Variants in RBM41 observed in about 807,000 individuals in gnomAD.
RBM41 encodes RNA-binding protein 41.
In RBM41, 14 loss-of-function variants were observed where a neutral mutation model predicts 30.8. The ratio of observed to expected loss-of-function variants is 0.45; its 90% CI spans 0.30 to 0.71. The LOEUF (loss-of-function observed/expected upper bound fraction) is 0.71. RBM41 is among the 30% of genes least tolerant of loss of function. RBM41 has a pLI of 0.08. For synonymous variants in RBM41, 120 were observed against 110.1 expected, an observed-to-expected ratio of 1.09 and a Z score of -0.56; for missense variants, 276 against 326.3, an observed-to-expected ratio of 0.85 and a Z score of 1.19.
At chrX:107,076,880 TATAA>T (rs201873847) in intron 6 of RBM41, among the ~76,000 whole-genome samples, 2,089 of 111,352 alleles carry the variant, frequency 0.019, 61 homozygotes, top group African/African-American at 0.064. Flanking sequence ...TGCTAAAAGG[TATAA>T]ATAAATAAAT....
chrX:107,063,109 T>C lies in RBM41; in HGVS notation c.*4418A>G. ...TGTACAATTCCTGGTTTTTAGTATA[T>C]TCAGAGTTGTGAAATCACCACCACG... On this transcript the variant is annotated 3_prime_UTR_variant, in exon 8 of 8. Transcript: ENST00000685964. Among the ~76,000 whole-genome samples, 1 of 111,534 alleles carries C rather than the reference T, an allele frequency of 9.0e-6. No individual in the cohort carries two copies. Among genetic ancestry groups the C allele is most frequent in the Middle Eastern group, 4.7e-3 (1 of 214 alleles).
intron 6 of RBM41, among the ~76,000 whole-genome samples, chrX:107,087,005 T>C (rs564025180): frequency 8.9e-6 from 1 of 111,840 alleles, no homozygotes; most frequent in Admixed American, 9.5e-5. Context: ...TTTGTGAATA[T>C]ATGGCTATGT....
intron 6 of RBM41, 50 bp from the exon 7 acceptor site, chrX:107,069,452 A>C: frequency 8.9e-7 from 1 of 1,126,419 alleles, no homozygotes; most frequent in Non-Finnish European, 1.2e-6. Context: ...GAGGTAAGGC[A>C]CTCTTTGTTT....
At chrX:107,077,681 A>C (rs1476572855) in intron 6 of RBM41, among the ~76,000 whole-genome samples, 2 of 111,020 alleles carry the variant, frequency 1.8e-5, no homozygotes, top group East Asian at 5.7e-4. Flanking sequence ...AAGTCATAAT[A>C]CAGCATAAAG....
intron 6 of RBM41, chrX:107,070,308 A>C (rs942151033): frequency 9.1e-6 from 3 of 330,230 alleles, no homozygotes; most frequent in Non-Finnish European, 1.2e-5. Context: ...CAAGGAAACT[A>C]AGAGAATACT....
At chrX:107,118,661 C>G in intron 1 of RBM41, 105 bp downstream of exon 1, 1 of 1,056,740 alleles carries the variant, frequency 9.5e-7, no homozygotes, top group South Asian at 1.9e-5. Context: ...GAAACCGCAT[C>G]CTGAGAACGT....
At chrX:107,068,478 G>A (rs998094202) in intron 7 of RBM41, among the ~76,000 whole-genome samples, 4 of 111,259 alleles carry the variant, frequency 3.6e-5, no homozygotes, top group Non-Finnish European at 5.7e-5. Context: ...ACCCATAAAC[G>A]GTTTTTTAAA....
chrX:107,069,866 TAAA>T (rs72211602), intron 6 of RBM41: 952 of 82,166 alleles, frequency 0.012, 9 homozygotes, highest in African/African-American at 0.035. Context: ...TATAGGCACT[TAAA>T]AAAAAAAAAA....
rs779599620 is a variant in RBM41 at position 107,116,747 on chromosome X, T to C, written c.28A>G (p.Ser10Gly). 2 of 1,210,571 alleles carry C rather than the reference T, an allele frequency of 1.7e-6. No individual in the cohort carries two copies. The highest frequency in any genetic ancestry group is 2.2e-6 in the Non-Finnish European group (2 of 895,123). The stretch of plus-strand genomic sequence containing the variant: ...AGCTCCTCCAGGACATGCTCATCAC[T>C]CTTCACACAGCTGTTTACCCTGGAG... The part of the protein sequence containing the change: MKRVNSCVK[S>G]DEHVLEELET... Residue 10 changes from serine to glycine, a missense_variant, in exon 2 of 8, where the codon AGT becomes GGT. Coordinates refer to ENST00000685964, the MANE Select transcript of RBM41 (RefSeq NM_001324242.2).
At chrX:107,102,956 A>C (rs1262515768) in intron 5 of RBM41, among the ~76,000 whole-genome samples, 1 of 111,463 alleles carries the variant, frequency 9.0e-6, no homozygotes, top group Non-Finnish European at 1.9e-5. Flanking sequence ...TAGCTCCACC[A>C]GTCTCTGGAT....
intron 5 of RBM41, among the ~76,000 whole-genome samples, chrX:107,099,575 CCAGT>C (rs1247267563): frequency 1.8e-5 from 2 of 111,082 alleles, no homozygotes; most frequent in African/African-American, 3.3e-5. Context: ...GTCCAAATGG[CCAGT>C]CAATGTGTAA....
chrX:107,096,684 G>C (rs2147653150), intron 5 of RBM41, among the ~76,000 whole-genome samples: 1 of 111,633 alleles, frequency 9.0e-6, no homozygotes, highest in East Asian at 2.8e-4. Flanking sequence ...CTTGAGTTCA[G>C]CAATGATTTC....
In RBM41 at chrX:107,062,080, A is replaced by AATT. The variant is rs889780931; in HGVS notation, c.*5446_*5447insAAT. On this transcript the variant is annotated 3_prime_UTR_variant, in exon 8 of 8. Coordinates refer to ENST00000685964, the MANE Select transcript of RBM41 (RefSeq NM_001324242.2). ...TGTAGTCAAGGAGCATTCCAACCTTAACCCCTGACATCCACTGAAGTTTTT... is the reference window on the plus strand; with the variant it reads ...TGTAGTCAAGGAGCATTCCAACCTTAATTACCCCTGACATCCACTGAAGTTTTT... Among the ~76,000 whole-genome samples, 1 of 111,967 alleles carries AATT rather than the reference A, an allele frequency of 8.9e-6. No homozygotes were observed. The highest frequency in any genetic ancestry group is 3.2e-5 in the African/African-American group (1 of 30,839).
chrX:107,099,454 T>G (rs2147670592), intron 5 of RBM41, among the ~76,000 whole-genome samples: 1 of 112,028 alleles, frequency 8.9e-6, no homozygotes, highest in South Asian at 3.7e-4. Flanking sequence ...GAACCAAGAC[T>G]GCATCTGGAC....
Position 107,088,678 on chromosome X carries a change from T to C in RBM41, c.757A>G (p.Thr253Ala). Residue 253 changes from threonine to alanine, a missense_variant, in exon 6 of 8, where the codon ACA becomes GCA. Coordinates refer to ENST00000685964, the MANE Select transcript of RBM41 (RefSeq NM_001324242.2). ...VSATSVGDSG[T>A]AESPSLLQDK... Reference sequence around the variant, plus strand: ...TGGAGTAATGATGGGCTCTCAGCTGTGCCACTATCACCCACTGATGTAGCT... The same window carrying C: ...TGGAGTAATGATGGGCTCTCAGCTGCGCCACTATCACCCACTGATGTAGCT... 8.3e-7 allele frequency: 1 copy of C among 1,211,754 alleles called. No homozygotes were observed.
rs371145125 is a variant in RBM41 at position 107,116,665 on chromosome X, G to A, written c.110C>T (p.Ser37Phe). The A allele has an allele frequency of 6.9e-5, 83 of 1,208,809 alleles. No individual in the cohort carries two copies. The highest frequency in any genetic ancestry group is 9.3e-5 in the Non-Finnish European group (83 of 895,098). ...KSLLQHQLDT[S>F]VSIEECMSKK... ...CAATACCTACTCCTCAATGGAGACA[G>A]AAGTATCAAGTTGATGCTGAAGGAG... Residue 37 changes from serine (S) to phenylalanine (F), a missense_variant, in exon 2 of 8, where the codon TCT becomes TTT. By Grantham distance (155) the Ser-to-Phe change is radical. Transcript: ENST00000685964.
Position 107,067,605 on chromosome X carries a change from T to C in RBM41, c.1236A>G (p.Lys412=), listed in dbSNP as rs145969952. 26 of 1,209,390 alleles carry C rather than the reference T, an allele frequency of 2.1e-5. No individual in the cohort carries two copies. The African/African-American group carries it at 4.0e-4, about 19-fold the overall frequency. The change falls in exon 8 of 8, where the codon AAA becomes AAG. Residue 412 remains lysine, a synonymous_variant. Coordinates refer to ENST00000685964, the MANE Select transcript of RBM41 (RefSeq NM_001324242.2). ...KILVIEFGKN[K]KQRSNLQATS... ...TCGCTTGGAGATTTGACCGTTGCTT[T>C]TTGTTCTTTCCAAACTCTATCACCA...
intron 6 of RBM41, among the ~76,000 whole-genome samples, chrX:107,078,783 TTA>T (rs1921234859): frequency 9.1e-6 from 1 of 109,740 alleles, no homozygotes; most frequent in Non-Finnish European, 1.9e-5. Flanking sequence ...AGATAATGAT[TTA>T]TTTTATTTTA....
At chrX:107,059,446 A>C (rs780333801), downstream of RBM41, among the ~76,000 whole-genome samples, 1 of 111,413 alleles carries the variant, frequency 9.0e-6, no homozygotes, top group Admixed American at 9.5e-5. Context: ...ACCATGGCAC[A>C]TGTTTACCTA....
Sources: gnomAD v4.1 joint callset for allele counts (sites outside exome capture counted in the v4.1 genomes callset) on GRCh38, gnomAD v4.1.1 for gene constraint, MANE v1.5 for transcripts, NCBI Gene and HGNC (gene_info 2026-07-23, HGNC 2026-07-21) for gene names.